Variants in TEX11 observed in about 807,000 individuals in gnomAD.
TEX11 encodes testis-expressed protein 11.
A neutral mutation model predicts 84.4 loss-of-function variants in TEX11; 7 were observed. The observed-to-expected ratio is 0.08, with a 90% confidence interval of 0.05 to 0.16. The LOEUF (loss-of-function observed/expected upper bound fraction) is 0.16. Ranked by LOEUF, TEX11 falls within the 10% of genes least tolerant of loss-of-function variation. The pLI, the probability that TEX11 is intolerant of heterozygous loss-of-function variation, is 1.00. For synonymous variants in TEX11, 264 were observed against 222.8 expected, an observed-to-expected ratio of 1.18 and a Z score of -1.64; for missense variants, 551 against 660.5, an observed-to-expected ratio of 0.83 and a Z score of 1.82.
intron 25 of TEX11, among the ~76,000 whole-genome samples, chrX:70,555,899 A>G (rs1179983211): frequency 8.9e-6 from 1 of 111,908 alleles, no homozygotes; most frequent in Non-Finnish European, 1.9e-5. Flanking sequence ...ATTTCACCTA[A>G]AATTCTAAAT....
At chrX:70,905,116 A>T (rs1296280552) in intron 2 of TEX11, among the ~76,000 whole-genome samples, 1 of 111,507 alleles carries the variant, frequency 9.0e-6, no homozygotes, top group African/African-American at 3.3e-5. Context: ...TGAGCTCAGG[A>T]GTTCCAGACC....
At chrX:70,567,372 T>C (rs1345241430) in intron 25 of TEX11, among the ~76,000 whole-genome samples, 1 of 111,642 alleles carries the variant, frequency 9.0e-6, no homozygotes, top group Non-Finnish European at 1.9e-5. Context: ...GATTCATGAA[T>C]TTTTTGAAGG....
intron 25 of TEX11, among the ~76,000 whole-genome samples, chrX:70,561,156 T>C: frequency 9.2e-6 from 1 of 108,647 alleles, no homozygotes; most frequent in Non-Finnish European, 1.9e-5. Context: ...ATGGCATATA[T>C]CTGCATTTAT....
intron 10 of TEX11, 136 bp downstream of exon 10, chrX:70,744,029 A>C (rs1351981134): frequency 1.7e-5 from 4 of 241,464 alleles, no homozygotes; most frequent in Non-Finnish European, 2.9e-5. Flanking sequence ...ATACAAAAAC[A>C]AATACACTGA....
At chrX:70,792,125 CAA>C (rs57717581) in intron 9 of TEX11, among the ~76,000 whole-genome samples, 1 of 61,750 alleles carries the variant, frequency 1.6e-5, no homozygotes, top group Non-Finnish European at 3.0e-5. Flanking sequence ...AACTCCGTCT[CAA>C]AAAAAAAAAA....
intron 8 of TEX11, among the ~76,000 whole-genome samples, chrX:70,825,578 C>T (rs1264914523): frequency 1.8e-5 from 2 of 111,322 alleles, no homozygotes; most frequent in Admixed American, 9.6e-5. Flanking sequence ...AAATTACAAC[C>T]TGTGGGCCAA....
Position 70,864,229 on chromosome X carries a change from G to A in TEX11, c.245-3293C>T, listed in dbSNP as rs1217235469. Among the ~76,000 whole-genome samples, 4 of 111,048 alleles carry A rather than the reference G, an allele frequency of 3.6e-5. No individual in the cohort carries two copies. The East Asian group carries it at 1.1e-3, about 31-fold the overall frequency. ...CCAACATTCAACTTCAGGAAATATG[G>A]AGAACACCACTAAGATACTCCTCAA... On this transcript the variant is annotated intron_variant, in intron 4 of 29. Coordinates refer to ENST00000374333, the MANE Select transcript of TEX11 (RefSeq NM_031276.3).
At chrX:70,751,456 G>C (rs191166965) in intron 9 of TEX11, among the ~76,000 whole-genome samples, 2 of 88,585 alleles carry the variant, frequency 2.3e-5, no homozygotes, top group African/African-American at 8.5e-5. Flanking sequence ...ACACAGGAAG[G>C]GGAGCATCAC....
rs193272347 is a variant in TEX11 at position 70,591,286 on chromosome X, T to C, written c.2140+465A>G. ...TTACAGAGTCAATACTGATATAGAG[T>C]GGGGAAAAAATCAGCTCTTAAAGAA... On this transcript the variant is annotated intron_variant, in intron 25 of 29. Coordinates refer to ENST00000374333, the MANE Select transcript of TEX11 (RefSeq NM_031276.3). 2.7e-3 allele frequency among the ~76,000 whole-genome samples: 296 copies of C among 109,344 alleles called. 3 individuals carry two copies. Among genetic ancestry groups the C allele is most frequent in the African/African-American group, 9.2e-3 (276 of 30,090 alleles). The allele number at this position is 109,344 out of a possible 115,157, so 95.0% of individuals were successfully genotyped here. A position where few individuals can be genotyped will look rare whatever the true frequency, so the allele number is the denominator to read the frequency against.
chrX:70,561,388 CTTTTTT>C (rs34112390), intron 25 of TEX11, among the ~76,000 whole-genome samples: 4 of 78,934 alleles, frequency 5.1e-5, no homozygotes, highest in Middle Eastern at 0.016. Flanking sequence ...TATCAATTTA[CTTTTTT>C]TTTTTTTTTT....
At chrX:70,623,390 A>G (rs1569361865) in intron 20 of TEX11, among the ~76,000 whole-genome samples, 1 of 112,116 alleles carries the variant, frequency 8.9e-6, no homozygotes, top group Non-Finnish European at 1.9e-5. Flanking sequence ...ATCTTATTCC[A>G]AAGATATTGT....
intron 17 of TEX11, among the ~76,000 whole-genome samples, chrX:70,646,344 C>G (rs915315635): frequency 9.0e-6 from 1 of 111,604 alleles, no homozygotes; most frequent in African/African-American, 3.2e-5. Context: ...GGAAAAGTTC[C>G]ACGACATTGC....
intron 5 of TEX11, among the ~76,000 whole-genome samples, chrX:70,855,178 A>C (rs2091529275): frequency 9.0e-6 from 1 of 111,572 alleles, no homozygotes; most frequent in East Asian, 2.8e-4. Context: ...AAAAATTGAG[A>C]GGGGATGGGG....
At chrX:70,786,323 G>A (rs1265617173) in intron 9 of TEX11, among the ~76,000 whole-genome samples, 1 of 110,895 alleles carries the variant, frequency 9.0e-6, no homozygotes, top group African/African-American at 3.3e-5. Flanking sequence ...CTGTCAGGAG[G>A]TGGTGGGCTT....
In TEX11 at chrX:70,716,573, G is replaced by A. The variant is rs760158778; in HGVS notation, c.1004+6045C>T. Among the ~76,000 whole-genome samples, 17 of 112,694 alleles carry A rather than the reference G, an allele frequency of 1.5e-4. No homozygotes were observed. In the South Asian group the frequency reaches 4.4e-3, roughly 29 times the overall value. ...TAGCAATGAGCGAGGCTCTGTGGGC[G>A]TAGGACCCTCCAAACCATTCGCGGG... On this transcript the variant is annotated intron_variant, in intron 13 of 29. Coordinates refer to ENST00000374333, the MANE Select transcript of TEX11 (RefSeq NM_031276.3).
At chrX:70,728,591 T>G (rs1412700977) in intron 11 of TEX11, among the ~76,000 whole-genome samples, 5 of 111,472 alleles carry the variant, frequency 4.5e-5, no homozygotes, top group Non-Finnish European at 5.7e-5. Flanking sequence ...GAGATCAAAC[T>G]GCAAGGCAGC....
intron 17 of TEX11, among the ~76,000 whole-genome samples, chrX:70,641,923 C>CTA (rs2089665091): frequency 9.0e-6 from 1 of 111,024 alleles, no homozygotes; most frequent in Non-Finnish European, 1.9e-5. Context: ...AAGATCAGAG[C>CTA]AGAACTGAAG....
intron 9 of TEX11, among the ~76,000 whole-genome samples, chrX:70,749,339 T>C (rs2090793962): frequency 9.1e-6 from 1 of 109,575 alleles, no homozygotes; most frequent in Non-Finnish European, 1.9e-5. Flanking sequence ...GATGGGGTTT[T>C]CTAGATATAC....
intron 9 of TEX11, among the ~76,000 whole-genome samples, chrX:70,756,220 C>T (rs1431859907): frequency 2.7e-5 from 3 of 112,628 alleles, no homozygotes; most frequent in African/African-American, 9.7e-5. Context: ...ATAGCTTTGG[C>T]AGACCTAAAC....
Sources: allele counts gnomAD v4.1 joint callset (sites outside exome capture counted in the v4.1 genomes callset), GRCh38; gene constraint gnomAD v4.1.1; transcripts MANE v1.5; gene names NCBI Gene and HGNC (gene_info 2026-07-23, HGNC 2026-07-21).